The following C8A variants were observed in gnomAD, a reference collection of about 807,000 sequenced individuals.
C8A encodes complement component C8 alpha chain.
Under a neutral mutation model 65.3 loss-of-function variants are expected in C8A, and 67 were observed. The observed-to-expected ratio is 1.03, with a 90% confidence interval of 0.84 to 1.26. The LOEUF (loss-of-function observed/expected upper bound fraction) is 1.26. C8A is among the 50% of genes most tolerant of loss of function. C8A has a pLI of 0.00. For missense variants in C8A, 781 were observed against 723.9 expected (o/e 1.08, Z -0.90); for synonymous variants, 290 against 259.4 (o/e 1.12, Z -1.13).
At chr1:56,912,142 T>C (rs1356762953) in intron 9 of C8A, among the ~76,000 whole-genome samples, 4 of 152,228 alleles carry the variant, frequency 2.6e-5, no homozygotes, top group Non-Finnish European at 5.9e-5. Context: ...AAACCCGATC[T>C]TCATTATTAT....
chr1:56,864,214 A>T (rs1644062310), intron 1 of C8A, among the ~76,000 whole-genome samples: 1 of 152,342 alleles, frequency 6.6e-6, no homozygotes, highest in African/African-American at 2.4e-5. Context: ...AGAATGAAAG[A>T]TACATAGGAA....
chr1:56,876,650 G>A (rs886213446), intron 4 of C8A, among the ~76,000 whole-genome samples: 1 of 151,878 alleles, frequency 6.6e-6, no homozygotes, highest in Non-Finnish European at 1.5e-5. Context: ...AAAGAAAATG[G>A]GCTCAGGGTG....
In C8A at chr1:56,883,499, A is replaced by G; in HGVS notation, c.673A>G (p.Ile225Val). The stretch of plus-strand genomic sequence containing the variant: ...TTTTCAGGCCCTGGCAGATACTGGA[A>G]TCTCCTCAGAGTTTTATGATAATGC... ...YHFEALADTG[I>V]SSEFYDNAND... The change falls in exon 6 of 11, where the codon ATC becomes GTC. Residue 225 changes from isoleucine to valine, a missense_variant. Transcript: ENST00000361249. The G allele has an allele frequency of 6.2e-7, 1 of 1,613,784 alleles. No individual in the cohort carries two copies. Among genetic ancestry groups the G allele is most frequent in the Non-Finnish European group, 8.5e-7 (1 of 1,179,824 alleles).
chr1:56,906,848 C>G, intron 8 of C8A, 56 bp downstream of exon 8: 4 of 1,604,674 alleles, frequency 2.5e-6, no homozygotes, highest in Non-Finnish European at 3.4e-6. Flanking sequence ...CCTTTGGACA[C>G]ACACTGGGAC....
intron 7 of C8A, among the ~76,000 whole-genome samples, chr1:56,893,045 G>A (rs1302789951): frequency 6.6e-6 from 1 of 152,004 alleles, no homozygotes; most frequent in African/African-American, 2.4e-5. Context: ...AAGACAGTAG[G>A]CCCCATCAAA....
At chr1:56,905,465 C>T (rs2101293624) in intron 7 of C8A, among the ~76,000 whole-genome samples, 1 of 152,264 alleles carries the variant, frequency 6.6e-6, no homozygotes, top group Admixed American at 6.5e-5. Flanking sequence ...TTTCATTCAT[C>T]AATCATTTAT....
chr1:56,857,066 TAA>T (rs2101180056), intron 1 of C8A, among the ~76,000 whole-genome samples: 1 of 152,206 alleles, frequency 6.6e-6, no homozygotes, highest in Non-Finnish European at 1.5e-5. Flanking sequence ...TGTTTTTTAC[TAA>T]GAGTGTGATC....
rs771230899 is a variant in C8A at position 56,881,630 on chromosome 1, T to C, written c.650T>C (p.Phe217Ser). 2 of 1,612,800 alleles carry C rather than the reference T, an allele frequency of 1.2e-6. No individual in the cohort carries two copies. The highest frequency in any genetic ancestry group is 1.7e-6 in the Non-Finnish European group (2 of 1,179,592). Reference sequence around the variant, plus strand: ...CCCTACAACTTTCTGAAGTACCACTTTGAAGTAAGTCTGAACAGAGGGGCT... The same window carrying C: ...CCCTACAACTTTCTGAAGTACCACTCTGAAGTAAGTCTGAACAGAGGGGCT... The part of the protein sequence containing the change: ...RKPYNFLKYH[F>S]EALADTGISS... The change falls in exon 5 of 11, where the codon TTT (phenylalanine) becomes TCT (serine). Residue 217 changes from phenylalanine to serine, a missense_variant. Phe to Ser is a radical substitution (Grantham distance 155, BLOSUM62 -2). Transcript: ENST00000361249.
intron 1 of C8A, among the ~76,000 whole-genome samples, chr1:56,856,422 A>G (rs1317857428): frequency 2.0e-5 from 3 of 152,156 alleles, no homozygotes; most frequent in African/African-American, 7.2e-5. Flanking sequence ...GAAAGCTGTC[A>G]CCAGTGCTGC....
At chr1:56,915,987 C>T (rs1644547930) in intron 10 of C8A, among the ~76,000 whole-genome samples, 1 of 152,176 alleles carries the variant, frequency 6.6e-6, no homozygotes, top group Non-Finnish European at 1.5e-5. Flanking sequence ...AATTATAGCA[C>T]TCCAAGGGCC....
At chr1:56,856,738 T>C (rs1047641803) in intron 1 of C8A, among the ~76,000 whole-genome samples, 1 of 152,074 alleles carries the variant, frequency 6.6e-6, no homozygotes, top group African/African-American at 2.4e-5. Flanking sequence ...TTTAAAACAA[T>C]GGTGATGGAA....
chr1:56,903,286 G>A (rs1644440172), intron 7 of C8A, among the ~76,000 whole-genome samples: 1 of 152,046 alleles, frequency 6.6e-6, no homozygotes, highest in African/African-American at 2.4e-5. Context: ...CATGATAATG[G>A]GTGGGTTCTC....
At chr1:56,855,439 T>C (rs545652320) in intron 1 of C8A, among the ~76,000 whole-genome samples, 1 of 152,214 alleles carries the variant, frequency 6.6e-6, no homozygotes, top group East Asian at 1.9e-4. Context: ...TCTCATAGTT[T>C]TGGGGGAGGA....
In C8A at chr1:56,917,776, G is replaced by T. The variant is rs1006194626; in HGVS notation, c.*60G>T. On this transcript the variant is annotated 3_prime_UTR_variant, in exon 11 of 11. Transcript: ENST00000361249. ...GATGTCGACCCCTGCACTGACTATT[G>T]GATAAAGACTTCTTTCAACTAAGAG... 182 of 1,589,470 alleles carry T rather than the reference G, an allele frequency of 1.1e-4. 1 individual carries two copies. In the Middle Eastern group the frequency reaches 2.2e-3, roughly 19 times the overall value.
intron 6 of C8A, among the ~76,000 whole-genome samples, chr1:56,884,455 G>A (rs1644273854): frequency 6.6e-6 from 1 of 152,058 alleles, no homozygotes; most frequent in Non-Finnish European, 1.5e-5. Flanking sequence ...CCAAGACTAT[G>A]GATCAAGGTG....
rs1025368504 is a variant in C8A at position 56,867,599 on chromosome 1, C to T, written c.78-10C>T. 23 of 1,608,608 alleles carry T rather than the reference C, an allele frequency of 1.4e-5. No individual in the cohort carries two copies. In the African/African-American group the frequency reaches 2.3e-4, roughly 16 times the overall value. On this transcript the variant is annotated splice_polypyrimidine_tract_variant and intron_variant, in intron 1 of 10. Transcript: ENST00000361249. ...CTCAAAATTGATGCATGGATCTTCC[C>T]TTTCTTTAGGAGAGTAAGACGGGCA...
intron 1 of C8A, among the ~76,000 whole-genome samples, chr1:56,861,545 G>A (rs1016414747): frequency 2.6e-5 from 4 of 152,108 alleles, no homozygotes; most frequent in Non-Finnish European, 5.9e-5. Context: ...GCCCAACACT[G>A]CCACATCGGG....
chr1:56,883,087 G>T (rs992676350), intron 5 of C8A, among the ~76,000 whole-genome samples: 2 of 152,082 alleles, frequency 1.3e-5, no homozygotes, highest in Non-Finnish European at 2.9e-5. Flanking sequence ...TTCCTCCCAG[G>T]CTCCTGCCCA....
intron 6 of C8A, among the ~76,000 whole-genome samples, chr1:56,885,125 T>C (rs1447476581): frequency 6.6e-6 from 1 of 151,274 alleles, no homozygotes; most frequent in African/African-American, 2.4e-5. Flanking sequence ...AGGTGAGAGC[T>C]GATGAGAACT....
Sources: allele counts gnomAD v4.1 joint callset (sites outside exome capture counted in the v4.1 genomes callset), GRCh38; gene constraint gnomAD v4.1.1; transcripts MANE v1.5; gene names NCBI Gene and HGNC (gene_info 2026-07-23, HGNC 2026-07-21).